TEX11: variants seen among roughly 807,000 people sequenced by gnomAD.
TEX11 encodes testis-expressed protein 11.
Under a neutral mutation model 84.4 loss-of-function variants are expected in TEX11, and 7 were observed. The ratio of observed to expected loss-of-function variants is 0.08; its 90% CI spans 0.05 to 0.16. The LOEUF is 0.16. Ranked by LOEUF, TEX11 falls within the 10% of genes least tolerant of loss-of-function variation. The probability of loss-of-function intolerance (pLI) is 1.00; values close to 1 mark genes in which losing one functional copy is unlikely to be tolerated. For missense variants in TEX11, 551 were observed against 660.5 expected (o/e 0.83, Z 1.82); for synonymous variants, 264 against 222.8 (o/e 1.18, Z -1.64).
At chrX:70,634,779 T>C (rs1168224686) in intron 17 of TEX11, among the ~76,000 whole-genome samples, 1 of 111,786 alleles carries the variant, frequency 8.9e-6, no homozygotes, top group Non-Finnish European at 1.9e-5. Context: ...AAATTGTTCA[T>C]AGACATAAAT....
intron 11 of TEX11, among the ~76,000 whole-genome samples, chrX:70,726,540 T>C (rs2147724676): frequency 9.0e-6 from 1 of 111,121 alleles, no homozygotes; most frequent in South Asian, 3.9e-4. Flanking sequence ...TTTGTTTATT[T>C]ATTTATTCAT....
chrX:70,660,260 T>A (rs961514335), intron 16 of TEX11, among the ~76,000 whole-genome samples: 1 of 111,961 alleles, frequency 8.9e-6, no homozygotes, highest in East Asian at 2.8e-4. Context: ...ATAAACAGTG[T>A]ATACTTAGGC....
At chrX:70,652,549 TAC>T (rs758711198) in intron 16 of TEX11, among the ~76,000 whole-genome samples, 1 of 112,070 alleles carries the variant, frequency 8.9e-6, no homozygotes, top group South Asian at 3.7e-4. Context: ...TACAAATTAA[TAC>T]AGTTATAGTG....
At chrX:70,849,620 G>A (rs958736782) in intron 7 of TEX11, among the ~76,000 whole-genome samples, 2 of 111,573 alleles carry the variant, frequency 1.8e-5, no homozygotes, top group African/African-American at 6.5e-5. Context: ...GCTATTAACC[G>A]CCATTTTAAA....
chrX:70,739,727 G>A (rs1485105883), intron 11 of TEX11, among the ~76,000 whole-genome samples: 1 of 111,619 alleles, frequency 9.0e-6, no homozygotes, highest in Non-Finnish European at 1.9e-5. Context: ...ATTTTTAAAG[G>A]GTCACCAGCC....
chrX:70,688,647 T>A (rs2090208960), intron 13 of TEX11, among the ~76,000 whole-genome samples: 1 of 109,308 alleles, frequency 9.1e-6, no homozygotes, highest in Admixed American at 1.0e-4. Context: ...TTTAGGATGG[T>A]GAAAATACTA....
chrX:70,753,061 T>C (rs1341896317), intron 9 of TEX11, among the ~76,000 whole-genome samples: 1 of 109,917 alleles, frequency 9.1e-6, no homozygotes, highest in Non-Finnish European at 1.9e-5. Flanking sequence ...GACCTTGAGA[T>C]CCCACAAGCC....
intron 11 of TEX11, among the ~76,000 whole-genome samples, chrX:70,729,028 C>A (rs2090622439): frequency 1.1e-5 from 1 of 88,043 alleles, no homozygotes; most frequent in South Asian, 6.4e-4. Flanking sequence ...TCTGCAGCCT[C>A]CGCTCTGATA....
chrX:70,776,456 G>A (rs746563766), intron 9 of TEX11, among the ~76,000 whole-genome samples: 11 of 108,999 alleles, frequency 1.0e-4, no homozygotes, highest in African/African-American at 2.7e-4. Flanking sequence ...CCAGCTACTC[G>A]GGAGGCTGAG....
At chrX:70,850,518 A>G (rs1305793572) in intron 7 of TEX11, among the ~76,000 whole-genome samples, 4 of 105,819 alleles carry the variant, frequency 3.8e-5, no homozygotes, top group Non-Finnish European at 7.8e-5. Context: ...AAGGTGGGAG[A>G]ATCACTTGAG....
chrX:70,600,202 G>T lies in TEX11; in HGVS notation c.2067+5199C>A, dbSNP rs764108499. Among the ~76,000 whole-genome samples the T allele has an allele frequency of 1.8e-4, 20 of 111,696 alleles. No homozygotes were observed. The East Asian group carries it at 5.3e-3, about 30-fold the overall frequency. On this transcript the variant is annotated intron_variant, in intron 24 of 29. Coordinates refer to ENST00000374333, the MANE Select transcript of TEX11 (RefSeq NM_031276.3). The stretch of plus-strand genomic sequence containing the variant: ...ACCTGTTGTTTCCTGACTTTTTAAC[G>T]ATTGCCATTCTAACTGGTGTGAGAT...
At chrX:70,591,908 T>TA in intron 24 of TEX11, 85 bp from the exon 25 acceptor site, 7 of 575,422 alleles carry the variant, frequency 1.2e-5, no homozygotes, top group Non-Finnish European at 1.9e-5. Context: ...TCATTTTCAT[T>TA]AAAAACAGGT....
At chrX:70,547,027 CAAAAAAAAAAAAA>C (rs58220663) in intron 28 of TEX11, among the ~76,000 whole-genome samples, 1 of 33,874 alleles carries the variant, frequency 3.0e-5, no homozygotes, top group South Asian at 3.5e-3. Flanking sequence ...TATTATTCAG[CAAAAAAAAAAAAA>C]AAAAAAAAAA....
At chrX:70,725,989 A>G (rs2090597451) in intron 11 of TEX11, among the ~76,000 whole-genome samples, 1 of 112,413 alleles carries the variant, frequency 8.9e-6, no homozygotes, top group Non-Finnish European at 1.9e-5. Flanking sequence ...AATTACAGGT[A>G]TTCATATGTG....
intron 2 of TEX11, among the ~76,000 whole-genome samples, chrX:70,904,382 G>T (rs893801646): frequency 1.2e-4 from 13 of 111,594 alleles, no homozygotes; most frequent in Non-Finnish European, 1.9e-4. Context: ...GATAACATTT[G>T]GGAAAATGAA....
At chrX:70,552,324 A>G (rs2088226892) in intron 27 of TEX11, 78 bp from the exon 28 acceptor site, 9 of 1,115,511 alleles carry the variant, frequency 8.1e-6, no homozygotes, top group Non-Finnish European at 1.1e-5. Flanking sequence ...TAAAACCTGG[A>G]TCTCATCCCA....
At chrX:70,808,396 G>T (rs1456302343) in intron 8 of TEX11, among the ~76,000 whole-genome samples, 1 of 107,710 alleles carries the variant, frequency 9.3e-6, no homozygotes, top group African/African-American at 3.4e-5. Context: ...CCAGCTACTT[G>T]GGTGGCTGAG....
At chrX:70,540,225 A>T (rs962519062) in intron 28 of TEX11, among the ~76,000 whole-genome samples, 2 of 112,554 alleles carry the variant, frequency 1.8e-5, no homozygotes, top group Non-Finnish European at 3.7e-5. Context: ...AGATGACAGA[A>T]ATGTTACGAT....
intron 24 of TEX11, among the ~76,000 whole-genome samples, chrX:70,602,129 CT>C (rs1216178399): frequency 1.8e-5 from 2 of 112,081 alleles, no homozygotes; most frequent in African/African-American, 6.5e-5. Context: ...AGAAGCGCCC[CT>C]CACCTCCTGG....
Sources: gnomAD v4.1 joint callset for allele counts (sites outside exome capture counted in the v4.1 genomes callset) on GRCh38, gnomAD v4.1.1 for gene constraint, MANE v1.5 for transcripts, NCBI Gene and HGNC (gene_info 2026-07-23, HGNC 2026-07-21) for gene names.